Variants in ATG2B observed in about 807,000 individuals in gnomAD.
The protein encoded by ATG2B is autophagy-related protein 2 homolog B.
ATG2B carries 121 observed loss-of-function variants against 241.3 expected under a neutral mutation model. That is an observed-to-expected ratio of 0.50 (90% CI 0.43 to 0.58). The LOEUF is 0.58. Among genes scored for constraint, ATG2B ranks in the 20% least tolerant of loss-of-function variants. ATG2B has a pLI of 0.00. For missense variants in ATG2B, 2,306 were observed against 2,491.6 expected, an observed-to-expected ratio of 0.93 and a Z score of 1.59; for synonymous variants, 858 against 876.6, an observed-to-expected ratio of 0.98 and a Z score of 0.37.
intron 37 of ATG2B, 66 bp downstream of exon 37, chr14:96,291,957 TTAAAAA>T (rs1333127115): frequency 6.9e-5 from 75 of 1,084,126 alleles, no homozygotes; most frequent in Non-Finnish European, 3.5e-5. Context: ...CAAAGCAAAG[TTAAAAA>T]TAAAAACGAG....
rs1888139923 is a variant in ATG2B at position 96,345,227 on chromosome 14, C to A, written c.478+6G>T. ...AAATTTTTGAAAATTCTCAGTAACA[C>A]CAAACCTGTTTCAATGGTTTCAGCA... is the stretch of plus-strand genomic sequence containing the variant. On this transcript the variant is annotated splice_donor_region_variant and intron_variant, in intron 3 of 41. Transcript: ENST00000359933. 1 of 1,607,708 alleles carries A rather than the reference C, an allele frequency of 6.2e-7. No homozygotes were observed. The highest frequency in any genetic ancestry group is 8.5e-7 in the Non-Finnish European group (1 of 1,177,794).
At chr14:96,342,122 T>C (rs1467950901) in intron 5 of ATG2B, among the ~76,000 whole-genome samples, 3 of 151,924 alleles carry the variant, frequency 2.0e-5, no homozygotes, top group Non-Finnish European at 4.4e-5. Context: ...ATTTGTAGAA[T>C]AAAATTTCAT....
At chr14:96,303,310 A>T in intron 32 of ATG2B, 55 bp from the exon 33 acceptor site, 1 of 1,352,824 alleles carries the variant, frequency 7.4e-7, no homozygotes, top group Non-Finnish European at 9.8e-7. Context: ...CTTTTATTAA[A>T]TTGTATTTTC....
At chr14:96,317,042 C>T in intron 20 of ATG2B, 103 bp downstream of exon 20, 2 of 1,161,390 alleles carry the variant, frequency 1.7e-6, no homozygotes, top group Non-Finnish European at 2.4e-6. Flanking sequence ...GTCCCTGAAA[C>T]AACTTCAAAA....
rs115218382 is a variant in ATG2B at position 96,351,382 on chromosome 14, G to A, written c.163-4041C>T. Among the ~76,000 whole-genome samples the A allele has an allele frequency of 4.7e-3, 712 of 152,252 alleles. 6 individuals carry two copies. Among genetic ancestry groups the A allele is most frequent in the African/African-American group, 0.017 (693 of 41,528 alleles). ...TTTTGGAGACTGAGGCAGAAGGATT[G>A]CTTGAGTCCAGGAATTTGAGACCAT... On this transcript the variant is annotated intron_variant, in intron 1 of 41. Coordinates refer to ENST00000359933, the MANE Select transcript of ATG2B (RefSeq NM_018036.7).
rs748996774 is a variant in ATG2B at position 96,305,717 on chromosome 14, G to C, written c.4605C>G (p.Ser1535Arg). ...GAATGGGAAAGTGTAAGGGGGCTTTGCTCGTATCGGTCTTATTAACGGGCA... is the reference window on the plus strand; with the variant it reads ...GAATGGGAAAGTGTAAGGGGGCTTTCCTCGTATCGGTCTTATTAACGGGCA... ...FSLPVNKTDTSKAPLHFPIPV... is the reference protein window; with the variant it reads ...FSLPVNKTDTRKAPLHFPIPV... The change falls in exon 31 of 42, where the codon AGC becomes AGG. Residue 1535 changes from serine (S) to arginine (R), a missense_variant. By Grantham distance (110) the Ser-to-Arg change is moderately radical (BLOSUM62 -1). Around this residue, in one of 2 missense-constraint regions of ATG2B, gnomAD observed 1,927 missense variants for 2,011.2 expected, o/e 0.96. Coordinates refer to ENST00000359933, the MANE Select transcript of ATG2B (RefSeq NM_018036.7). 1.2e-6 allele frequency: 2 copies of C among 1,614,034 alleles called. No individual in the cohort carries two copies. Among genetic ancestry groups the C allele is most frequent in the Admixed American group, 3.3e-5 (2 of 60,012 alleles).
chr14:96,334,321 C>T, intron 7 of ATG2B, 84 bp downstream of exon 7: 2 of 789,700 alleles, frequency 2.5e-6, no homozygotes, highest in Non-Finnish European at 4.0e-6. Flanking sequence ...ATAGACTTTC[C>T]TACATGTACA....
intron 21 of ATG2B, 43 bp from the exon 22 acceptor site, chr14:96,315,626 C>A: frequency 1.3e-6 from 2 of 1,490,954 alleles, no homozygotes; most frequent in Non-Finnish European, 1.9e-6. Flanking sequence ...AAAATGATTA[C>A]TTGAAATTAG....
intron 36 of ATG2B, among the ~76,000 whole-genome samples, chr14:96,292,425 TAC>T (rs1886511187): frequency 1.3e-5 from 2 of 152,266 alleles, no homozygotes; most frequent in South Asian, 4.1e-4. Context: ...TGAAATAATG[TAC>T]ACTTACAAAA....
chr14:96,289,539 G>A lies in ATG2B; in HGVS notation c.6006+117C>T, dbSNP rs974101260. 1.6e-6 allele frequency: 2 copies of A among 1,257,724 alleles called. No homozygotes were observed. The highest frequency in any genetic ancestry group is 1.1e-6 in the Non-Finnish European group (1 of 900,030). The allele number at this position is 1,257,724 out of a possible 1,614,324, so 77.9% of individuals were successfully genotyped here. On this transcript the variant is annotated intron_variant, in intron 41 of 41. Transcript: ENST00000359933. The surrounding 1 kb of genome is among the most constrained non-coding windows in gnomAD (Gnocchi z 4.3). ...TGGGCACATGTTATTAGTGGCAGTT[G>A]CCATTCTGCTCCCAGGGATTTCTAC...
chr14:96,291,462 A>C, intron 38 of ATG2B, 138 bp downstream of exon 38: 2 of 533,148 alleles, frequency 3.8e-6, no homozygotes, highest in Non-Finnish European at 6.7e-6. Flanking sequence ...CCTAAATCTT[A>C]AGAGTCCTCT....
chr14:96,279,524 C>CA lies in ATG2B; in HGVS notation c.*6230dup, dbSNP rs1886140258. 2 of 152,260 alleles carry CA rather than the reference C, an allele frequency of 1.3e-5. No individual in the cohort carries two copies. Among genetic ancestry groups the CA allele is most frequent in the South Asian group, 4.1e-4 (2 of 4,832 alleles). The allele number at this position is 152,260 out of a possible 1,614,324, so 9.4% of individuals were successfully genotyped here. On this transcript the variant is annotated 3_prime_UTR_variant, in exon 42 of 42. Transcript: ENST00000359933. ...TCCTGAAGGAAGTCAAACAGGGAAA[C>CA]AGACGTGGATCTACAGTATGCGGGG...
At chr14:96,312,553 G>T (rs910798730) in intron 25 of ATG2B, among the ~76,000 whole-genome samples, 2 of 152,100 alleles carry the variant, frequency 1.3e-5, no homozygotes, top group African/African-American at 4.8e-5. Flanking sequence ...ACTAGCCTGG[G>T]CAACACAGCA....
At chr14:96,299,033 A>G (rs1886720479) in intron 34 of ATG2B, among the ~76,000 whole-genome samples, 1 of 152,206 alleles carries the variant, frequency 6.6e-6, no homozygotes, top group African/African-American at 2.4e-5. Context: ...GTGTTAAAAG[A>G]ATTCCTTTTA....
intron 14 of ATG2B, among the ~76,000 whole-genome samples, chr14:96,326,125 A>T (rs560727121): frequency 2.3e-4 from 35 of 152,364 alleles, no homozygotes; most frequent in African/African-American, 8.2e-4. Context: ...AGTGAAAACT[A>T]TTGGCAAAAG....
chr14:96,300,087 T>A (rs1337225367), intron 34 of ATG2B, among the ~76,000 whole-genome samples: 1 of 152,242 alleles, frequency 6.6e-6, no homozygotes, highest in East Asian at 1.9e-4. Context: ...CTTAATGAAT[T>A]ATTTCTCATT....
In ATG2B at chr14:96,341,709, A is replaced by G. The variant is rs1334374109; in HGVS notation, c.745-8T>C. On this transcript the variant is annotated splice_region_variant and splice_polypyrimidine_tract_variant and intron_variant, in intron 5 of 41. Coordinates refer to ENST00000359933, the MANE Select transcript of ATG2B (RefSeq NM_018036.7). ...GAGCTTTGGCTCAGTTTCCTACAATAAAGTGACAAAAATAATTATTTAAAA... is the reference window on the plus strand; with the variant it reads ...GAGCTTTGGCTCAGTTTCCTACAATGAAGTGACAAAAATAATTATTTAAAA... 3 of 1,516,516 alleles carry G rather than the reference A, an allele frequency of 2.0e-6. No individual in the cohort carries two copies. In the East Asian group the frequency reaches 6.9e-5, roughly 35 times the overall value. The allele number at this position is 1,516,516 out of a possible 1,614,324, so 93.9% of individuals were successfully genotyped here.
intron 6 of ATG2B, among the ~76,000 whole-genome samples, chr14:96,339,686 A>C (rs73363276): frequency 0.028 from 4,215 of 152,054 alleles, 212 homozygotes; most frequent in African/African-American, 0.096. Flanking sequence ...AATGCAAAAC[A>C]TACAGAGGTA....
chr14:96,286,074 T>TA, intron 41 of ATG2B, 89 bp from the exon 42 acceptor site: 1 of 928,514 alleles, frequency 1.1e-6, no homozygotes, highest in Non-Finnish European at 1.6e-6. Flanking sequence ...TACACACTTT[T>TA]AAAGCAGGTA....
Sources: gnomAD v4.1 joint callset for allele counts (sites outside exome capture counted in the v4.1 genomes callset) on GRCh38, gnomAD v4.1.1 for gene constraint, gnomAD v4.1.1 regional missense constraint, Gnocchi (gnomAD v3.1) non-coding constraint, MANE v1.5 for transcripts, NCBI Gene and HGNC (gene_info 2026-07-23, HGNC 2026-07-21) for gene names.